Variants in GUCA1C observed in about 807,000 individuals in gnomAD.
GUCA1C encodes guanylate cyclase activator 1C.
Under a neutral mutation model 16.2 loss-of-function variants are expected in GUCA1C, and 15 were observed. The observed-to-expected ratio is 0.93, with a 90% CI of 0.62 to 1.43. GUCA1C has a LOEUF of 1.43. Among genes scored for constraint, GUCA1C ranks in the 40% most tolerant of loss-of-function variants. GUCA1C has a pLI of 0.00. For synonymous variants in GUCA1C, 78 were observed against 85.4 expected (o/e 0.91, Z 0.48); for missense variants, 275 against 244.8 (o/e 1.12, Z -0.82).
intron 1 of GUCA1C, among the ~76,000 whole-genome samples, chr3:108,940,588 G>A (rs1946775570): frequency 6.6e-6 from 1 of 152,182 alleles, no homozygotes; most frequent in East Asian, 1.9e-4. Context: ...GCCCAAAACA[G>A]CACGAATAAA....
intron 1 of GUCA1C, among the ~76,000 whole-genome samples, chr3:108,924,035 C>A (rs1946595863): frequency 6.6e-6 from 1 of 152,178 alleles, no homozygotes; most frequent in Middle Eastern, 3.4e-3. Flanking sequence ...TTTATCAGTT[C>A]TAGGGGCTTT....
At chr3:108,916,443 A>G (rs1946516705) in intron 2 of GUCA1C, among the ~76,000 whole-genome samples, 1 of 152,228 alleles carries the variant, frequency 6.6e-6, no homozygotes, top group African/African-American at 2.4e-5. Flanking sequence ...TATACAGCAT[A>G]CAGGGATCCA....
At chr3:108,916,852 T>C (rs1165730972) in intron 2 of GUCA1C, among the ~76,000 whole-genome samples, 2 of 152,192 alleles carry the variant, frequency 1.3e-5, no homozygotes, top group Admixed American at 6.5e-5. Context: ...AGACTTGACA[T>C]AGAACTTCAA....
At chr3:108,935,534 G>GA (rs35237284) in intron 1 of GUCA1C, among the ~76,000 whole-genome samples, 6,440 of 143,986 alleles carry the variant, frequency 0.045, 466 homozygotes, top group African/African-American at 0.15. Flanking sequence ...ACTAAAAATA[G>GA]AAAAAAAAAA....
At chr3:108,936,090 C>A (rs1227849314) in intron 1 of GUCA1C, among the ~76,000 whole-genome samples, 4 of 152,040 alleles carry the variant, frequency 2.6e-5, no homozygotes, top group African/African-American at 9.7e-5. Flanking sequence ...CATGGTGAAG[C>A]CCCGTCTCTA....
At chr3:108,916,352 TA>T in intron 2 of GUCA1C, 138 bp from the exon 3 acceptor site, 1 of 701,472 alleles carries the variant, frequency 1.4e-6, no homozygotes, top group South Asian at 1.9e-5. Context: ...TAAAAGTAAA[TA>T]AAAAGAAAAG....
chr3:108,909,807 T>C (rs1268976990), intron 3 of GUCA1C, among the ~76,000 whole-genome samples: 1 of 151,942 alleles, frequency 6.6e-6, no homozygotes, highest in Non-Finnish European at 1.5e-5. Flanking sequence ...CCTAACCACT[T>C]ACCATAAAAA....
At chr3:108,924,435 A>G (rs571117989) in intron 1 of GUCA1C, among the ~76,000 whole-genome samples, 5 of 152,020 alleles carry the variant, frequency 3.3e-5, no homozygotes, top group Non-Finnish European at 7.4e-5. Flanking sequence ...TATGTGGTGT[A>G]TTACATTTAT....
intron 1 of GUCA1C, among the ~76,000 whole-genome samples, chr3:108,934,391 G>A (rs1046658185): frequency 6.6e-6 from 1 of 152,188 alleles, no homozygotes; most frequent in East Asian, 1.9e-4. Flanking sequence ...CTGCAGAGAA[G>A]AAGGAATGTT....
intron 1 of GUCA1C, among the ~76,000 whole-genome samples, chr3:108,938,151 G>A (rs1431552570): frequency 6.6e-6 from 1 of 151,974 alleles, no homozygotes; most frequent in Non-Finnish European, 1.5e-5. Context: ...TCTAATTTAG[G>A]AAAACAATCC....
At chr3:108,948,972 C>T (rs1057232541) in intron 1 of GUCA1C, among the ~76,000 whole-genome samples, 7 of 151,906 alleles carry the variant, frequency 4.6e-5, no homozygotes, top group Admixed American at 1.3e-4. Flanking sequence ...CTCAGCCTCC[C>T]GAGCAGCTGG....
At chr3:108,949,689 C>T (rs1255312484) in intron 1 of GUCA1C, among the ~76,000 whole-genome samples, 21 of 152,138 alleles carry the variant, frequency 1.4e-4, no homozygotes, top group Non-Finnish European at 4.4e-5. Flanking sequence ...CTATTCAGTG[C>T]ACCTAGAGCA....
At chr3:108,947,185 A>G (rs968270768) in intron 1 of GUCA1C, among the ~76,000 whole-genome samples, 2 of 152,252 alleles carry the variant, frequency 1.3e-5, no homozygotes, top group Non-Finnish European at 2.9e-5. Flanking sequence ...TATGTTATGT[A>G]TACTGTATAA....
At position 108,908,120 on chromosome 3, in the gene GUCA1C, C is replaced by T. The variant is rs1391850622; in HGVS notation, c.532G>A (p.Val178Met). 2 of 1,613,582 alleles carry T rather than the reference C, an allele frequency of 1.2e-6. No homozygotes were observed. Among genetic ancestry groups the T allele is most frequent in the Non-Finnish European group, 1.7e-6 (2 of 1,179,522 alleles). Reference protein sequence around the residue: ...IVYKSFDFSNVLRVICNGKQP... With the variant: ...IVYKSFDFSNMLRVICNGKQP... ...TTCCCATTACAGATTACTCTCAGCA[C>T]ATTGGAGAAGTCGAAGCTCTTGTAA... Residue 178 changes from valine to methionine, a missense_variant, in exon 4 of 4, where the codon GTG (valine) becomes ATG (methionine). Transcript: ENST00000261047.
At chr3:108,931,000 C>T (rs1227331901) in intron 1 of GUCA1C, among the ~76,000 whole-genome samples, 1 of 152,136 alleles carries the variant, frequency 6.6e-6, no homozygotes, top group Non-Finnish European at 1.5e-5. Flanking sequence ...CAGTATCCAA[C>T]CAGAGGTACA....
intron 3 of GUCA1C, among the ~76,000 whole-genome samples, chr3:108,915,541 G>C (rs1946499828): frequency 6.6e-6 from 1 of 152,062 alleles, no homozygotes; most frequent in Admixed American, 6.5e-5. Context: ...CCTCCTCTGA[G>C]CTAAACAGGA....
At chr3:108,940,199 CA>C (rs1946772118) in intron 1 of GUCA1C, among the ~76,000 whole-genome samples, 2 of 152,160 alleles carry the variant, frequency 1.3e-5, no homozygotes, top group Admixed American at 1.3e-4. Context: ...TAAGAGATTG[CA>C]ACTTAATGAT....
intron 1 of GUCA1C, among the ~76,000 whole-genome samples, chr3:108,934,808 C>CTTTT (rs71629371): frequency 0.022 from 1,894 of 86,020 alleles, 33 homozygotes; most frequent in Non-Finnish European, 0.026. Flanking sequence ...TGTTCTTGAT[C>CTTTT]TTTTTTTTTT....
chr3:108,927,448 TGTC>T (rs1946633280), intron 1 of GUCA1C, among the ~76,000 whole-genome samples: 1 of 138,074 alleles, frequency 7.2e-6, no homozygotes, highest in African/African-American at 2.6e-5. Flanking sequence ...TTTTTTTTTT[TGTC>T]TCTGACTGAT....
Sources: gnomAD v4.1 joint callset for allele counts (sites outside exome capture counted in the v4.1 genomes callset) on GRCh38, gnomAD v4.1.1 for gene constraint, MANE v1.5 for transcripts, NCBI Gene and HGNC (gene_info 2026-07-23, HGNC 2026-07-21) for gene names.